The following MAP4K3 variants were observed in gnomAD, a reference collection of about 807,000 sequenced individuals.
MAP4K3 encodes the protein MAPK/ERK kinase kinase kinase 3.
MAP4K3 carries 94 observed loss-of-function variants against 143.5 expected under a neutral mutation model. The observed-to-expected ratio is 0.65, with a 90% CI of 0.55 to 0.78. The LOEUF (loss-of-function observed/expected upper bound fraction) is 0.78. Among genes scored for constraint, MAP4K3 ranks in the 30% least tolerant of loss-of-function variants. The pLI is 0.00. For synonymous variants in MAP4K3, 416 were observed against 347.2 expected, an observed-to-expected ratio of 1.20 and a Z score of -2.20; for missense variants, 1,077 against 1,068.1, an observed-to-expected ratio of 1.01 and a Z score of -0.12.
intron 31 of MAP4K3, among the ~76,000 whole-genome samples, chr2:39,257,544 T>C (rs1680391617): frequency 6.6e-6 from 1 of 152,130 alleles, no homozygotes; most frequent in Non-Finnish European, 1.5e-5. Flanking sequence ...CTCACGCCTG[T>C]AATCCCAGCA....
intron 1 of MAP4K3, among the ~76,000 whole-genome samples, chr2:39,408,168 C>A (rs1667145814): frequency 6.6e-6 from 1 of 152,076 alleles, no homozygotes; most frequent in Non-Finnish European, 1.5e-5. Flanking sequence ...ATAACAAAAC[C>A]CTTTTTCTGG....
intron 1 of MAP4K3, among the ~76,000 whole-genome samples, chr2:39,405,612 A>C (rs1667072711): frequency 6.6e-6 from 1 of 152,220 alleles, no homozygotes; most frequent in African/African-American, 2.4e-5. Flanking sequence ...TCACACCAGT[A>C]ATCCCAACAC....
chr2:39,436,487 C>G (rs1665484326), intron 1 of MAP4K3: 1 of 181,806 alleles, frequency 5.5e-6, no homozygotes, highest in African/African-American at 2.4e-5. Flanking sequence ...AGCGGACGAC[C>G]CCAGGTTGGC....
intron 28 of MAP4K3, among the ~76,000 whole-genome samples, chr2:39,263,042 A>AG (rs1315964514): frequency 6.6e-6 from 1 of 151,900 alleles, no homozygotes; most frequent in Admixed American, 6.6e-5. Context: ...CAGTGAGCTG[A>AG]GATCATGCCA....
intron 3 of MAP4K3, among the ~76,000 whole-genome samples, chr2:39,352,083 G>A (rs775002878): frequency 6.6e-6 from 1 of 152,142 alleles, no homozygotes; most frequent in Non-Finnish European, 1.5e-5. Flanking sequence ...ACAAGGTCAG[G>A]AGTTAAAGAC....
At chr2:39,264,818 C>T (rs949834677) in intron 28 of MAP4K3, among the ~76,000 whole-genome samples, 2 of 152,162 alleles carry the variant, frequency 1.3e-5, no homozygotes, top group African/African-American at 4.8e-5. Flanking sequence ...ACTTGTTTCC[C>T]TGTCATTATG....
chr2:39,288,145 G>A lies in MAP4K3; in HGVS notation c.1450C>T (p.Pro484Ser). The change falls in exon 20 of 34, where the codon CCC (proline) becomes TCC (serine). Residue 484 changes from proline (P) to serine (S), a missense_variant. This residue lies in a region of MAP4K3 where 864 missense variants were observed against 801.2 expected (regional missense o/e 1.08). Coordinates refer to ENST00000263881, the MANE Select transcript of MAP4K3 (RefSeq NM_003618.4). Reference protein sequence around the residue: ...VPPRPPPPRLPPHKPVALGNG... With the variant: ...VPPRPPPPRLSPHKPVALGNG... ...CCTAAGGCAACAGGTTTGTGTGGGG[G>A]TAATCTGGGAGGTGGTGGTCTAGGT... is the stretch of plus-strand genomic sequence containing the variant. The A allele has an allele frequency of 6.2e-7, 1 of 1,614,102 alleles. No individual in the cohort carries two copies. The highest frequency in any genetic ancestry group is 1.3e-5 in the African/African-American group (1 of 75,026).
rs754703587 is a variant in MAP4K3, at chr2:39,265,188, G to A, written c.2136+15C>T. 6.8e-7 allele frequency: 1 copy of A among 1,478,070 alleles called. No homozygotes were observed. 91.6% of individuals were successfully genotyped at this position (1,478,070 alleles called of 1,614,324 possible). A position where few individuals can be genotyped will look rare whatever the true frequency, so the allele number is the denominator to read the frequency against. On this transcript the variant is annotated intron_variant, in intron 28 of 33. Coordinates refer to ENST00000263881, the MANE Select transcript of MAP4K3 (RefSeq NM_003618.4). ...TTTTATAGTAAGAATAAGATAGTCT[G>A]ACTTTTATGCTTACCTTAATTAACA...
At chr2:39,435,677 CACTT>C (rs1054956229) in intron 1 of MAP4K3, among the ~76,000 whole-genome samples, 3 of 152,268 alleles carry the variant, frequency 2.0e-5, no homozygotes, top group Non-Finnish European at 4.4e-5. Flanking sequence ...AAAATAGAAA[CACTT>C]AGGAAGATTT....
chr2:39,430,628 T>G (rs541475093), intron 1 of MAP4K3, among the ~76,000 whole-genome samples: 2 of 152,256 alleles, frequency 1.3e-5, no homozygotes, highest in Admixed American at 6.5e-5. Flanking sequence ...TAATCGTATT[T>G]TAAAAAAAAC....
chr2:39,395,415 A>G (rs1666779073), intron 1 of MAP4K3, among the ~76,000 whole-genome samples: 1 of 152,070 alleles, frequency 6.6e-6, no homozygotes, highest in Non-Finnish European at 1.5e-5. Flanking sequence ...AAGCTTTTCC[A>G]CTATCTGATA....
chr2:39,408,558 A>G (rs1017744587), intron 1 of MAP4K3, among the ~76,000 whole-genome samples: 1 of 151,696 alleles, frequency 6.6e-6, no homozygotes, highest in Admixed American at 6.6e-5. Flanking sequence ...GCTGGAGAAA[A>G]CTATGCCCAG....
At chr2:39,310,456 G>C (rs6718000) in intron 13 of MAP4K3, among the ~76,000 whole-genome samples, 8,816 of 152,122 alleles carry the variant, frequency 0.058, 481 homozygotes, top group African/African-American at 0.14. Flanking sequence ...ATATTCTGTT[G>C]TGTATATATA....
At chr2:39,311,745 T>C (rs1226278379) in intron 13 of MAP4K3, among the ~76,000 whole-genome samples, 2 of 152,240 alleles carry the variant, frequency 1.3e-5, no homozygotes, top group Non-Finnish European at 2.9e-5. Flanking sequence ...ACTCCAGCCC[T>C]AGCTGATATC....
intron 4 of MAP4K3, among the ~76,000 whole-genome samples, chr2:39,342,612 A>C (rs1408323296): frequency 6.6e-6 from 1 of 152,196 alleles, no homozygotes; most frequent in East Asian, 1.9e-4. Context: ...ACCTATGCCA[A>C]GAAGATAAAG....
chr2:39,406,320 A>C (rs1667091558), intron 1 of MAP4K3, among the ~76,000 whole-genome samples: 1 of 152,216 alleles, frequency 6.6e-6, no homozygotes, highest in South Asian at 2.1e-4. Flanking sequence ...AAGTGTATTC[A>C]AAGGGATAAG....
At chr2:39,258,104 G>A (rs1475833847) in intron 31 of MAP4K3, among the ~76,000 whole-genome samples, 1 of 151,960 alleles carries the variant, frequency 6.6e-6, no homozygotes, top group East Asian at 1.9e-4. Context: ...GATAATTTTT[G>A]TATTTTTAGT....
chr2:39,378,277 A>T (rs1424718669), intron 1 of MAP4K3, among the ~76,000 whole-genome samples, 154 bp from the exon 2 acceptor site: 2 of 152,200 alleles, frequency 1.3e-5, no homozygotes, highest in Non-Finnish European at 2.9e-5. Context: ...TTTTTCCTTC[A>T]CAATAAATTT....
At chr2:39,432,657 T>C (rs1665326011) in intron 1 of MAP4K3, among the ~76,000 whole-genome samples, 1 of 152,234 alleles carries the variant, frequency 6.6e-6, no homozygotes, top group Non-Finnish European at 1.5e-5. Flanking sequence ...ATGCTGATTA[T>C]AATGGAAGAA....
Sources: allele counts gnomAD v4.1 joint callset (sites outside exome capture counted in the v4.1 genomes callset), GRCh38; gene constraint gnomAD v4.1.1; regional missense constraint gnomAD v4.1.1; transcripts MANE v1.5; gene names NCBI Gene and HGNC (gene_info 2026-07-23, HGNC 2026-07-21).